TXNDC8: variants seen among roughly 807,000 people sequenced by gnomAD.
The protein encoded by TXNDC8 is thioredoxin domain containing 8.
TXNDC8 carries 15 observed loss-of-function variants against 12.9 expected under a neutral mutation model. That is an observed-to-expected ratio of 1.16 (90% CI 0.78 to 1.79). The LOEUF (loss-of-function observed/expected upper bound fraction) is 1.79, where lower values mean the gene tolerates loss of function less well. Among genes scored for constraint, TXNDC8 ranks in the 40% most tolerant of loss-of-function variants. TXNDC8 has a pLI of 0.00. For synonymous variants in TXNDC8, 40 were observed against 35.4 expected (o/e 1.13, Z -0.46); for missense variants, 128 against 113.2 (o/e 1.13, Z -0.59).
chr9:110,301,856 A>G (rs533905987), downstream of TXNDC8, among the ~76,000 whole-genome samples: 1 of 152,276 alleles, frequency 6.6e-6, no homozygotes, highest in Non-Finnish European at 1.5e-5. Flanking sequence ...GTTTTATTTT[A>G]AGTGCCTATT....
Position 110,334,213 on chromosome 9 carries a change from C to T in TXNDC8, c.129+3G>A. The T allele has an allele frequency of 6.2e-7, 1 of 1,607,904 alleles. No homozygotes were observed. The highest frequency in any genetic ancestry group is 1.1e-5 in the South Asian group (1 of 90,806). On this transcript the variant is annotated splice_donor_region_variant and intron_variant, in intron 2 of 4. Transcript: ENST00000423740. ...CTATGAGATATATACTGGTTGTACT[C>T]ACATGGAAAACAGGAAACATCCTTT...
chr9:110,304,486 C>T lies in TXNDC8; in HGVS notation c.242G>A (p.Ser81Asn). 6.2e-7 allele frequency: 1 copy of T among 1,610,240 alleles called. No individual in the cohort carries two copies. The highest frequency in any genetic ancestry group is 8.5e-7 in the Non-Finnish European group (1 of 1,177,618). ...ACTTACCAGGTTGCTCATGAATCCA[C>T]TTCTATAACAGCAAATTATTCTTTT... The change falls in exon 4 of 5, where the codon AGT becomes AAT. Residue 81 changes from serine (S) to asparagine (N), a missense_variant. Transcript: ENST00000423740.
intron 1 of TXNDC8, 106 bp from the exon 2 acceptor site, chr9:110,334,426 T>A: frequency 6.2e-6 from 6 of 964,132 alleles, no homozygotes; most frequent in Non-Finnish European, 9.4e-6. Flanking sequence ...TTGGTTTTTT[T>A]AAAGCCAGGT....
chr9:110,336,783 G>A (rs968452116), intron 1 of TXNDC8, among the ~76,000 whole-genome samples: 3 of 151,976 alleles, frequency 2.0e-5, no homozygotes, highest in African/African-American at 7.2e-5. Flanking sequence ...AATGAAGTAG[G>A]AAGGAAGAAT....
chr9:110,322,262 C>G (rs902491223), intron 3 of TXNDC8, among the ~76,000 whole-genome samples: 5 of 151,690 alleles, frequency 3.3e-5, no homozygotes, highest in African/African-American at 1.2e-4. Flanking sequence ...AATAAAACTT[C>G]TTGAGATATG....
intron 2 of TXNDC8, among the ~76,000 whole-genome samples, chr9:110,329,793 G>A (rs578233252): frequency 1.4e-4 from 22 of 152,172 alleles, no homozygotes; most frequent in Admixed American, 1.3e-4. Context: ...CTGACCATTA[G>A]CCTAATTTAT....
At chr9:110,324,862 A>G (rs1348177949) in intron 3 of TXNDC8, among the ~76,000 whole-genome samples, 1 of 152,232 alleles carries the variant, frequency 6.6e-6, no homozygotes, top group East Asian at 1.9e-4. Context: ...CTGTAATCCC[A>G]TTACTTTGGG....
intron 2 of TXNDC8, among the ~76,000 whole-genome samples, chr9:110,326,648 TTGAGACGTGGAACGCATCC>T (rs141760040): frequency 0.018 from 2,683 of 152,284 alleles, 38 homozygotes; most frequent in Non-Finnish European, 0.027. Context: ...ATAACTCTAC[TTGAGACGTGGAACGCATCC>T]TGATCTAGCA....
At chr9:110,334,913 C>T (rs934584323) in intron 1 of TXNDC8, among the ~76,000 whole-genome samples, 3 of 150,996 alleles carry the variant, frequency 2.0e-5, no homozygotes, top group Non-Finnish European at 4.4e-5. Context: ...ATCATTATTA[C>T]AGCTACAGTT....
chr9:110,324,877 C>T (rs905264023), intron 3 of TXNDC8, among the ~76,000 whole-genome samples: 4 of 152,132 alleles, frequency 2.6e-5, no homozygotes, highest in African/African-American at 9.7e-5. Flanking sequence ...TTTGGGAGGC[C>T]AAGGTGGATG....
chr9:110,321,148 C>G (rs1443879425), intron 3 of TXNDC8, among the ~76,000 whole-genome samples: 1 of 152,040 alleles, frequency 6.6e-6, no homozygotes. Context: ...TTGAAATGAG[C>G]TAGAATCAAG....
intron 1 of TXNDC8, among the ~76,000 whole-genome samples, chr9:110,335,200 G>T (rs971691845): frequency 6.6e-6 from 1 of 152,160 alleles, no homozygotes; most frequent in Non-Finnish European, 1.5e-5. Flanking sequence ...TACTCATAGA[G>T]TAAGTGCTCA....
In TXNDC8 at chr9:110,309,972, T is replaced by C. The variant is rs148978953; in HGVS notation, c.196-5440A>G. Among the ~76,000 whole-genome samples, 1,284 of 143,080 alleles carry C rather than the reference T, an allele frequency of 9.0e-3. 23 individuals are homozygous for C. Among genetic ancestry groups the C allele is most frequent in the African/African-American group, 0.03 (1,201 of 40,142 alleles). The allele number at this position is 143,080 out of a possible 152,430, so 93.9% of individuals were successfully genotyped here. The stretch of plus-strand genomic sequence containing the variant: ...GTTCCTTATTAATAATCTCAGTTCC[T>C]TTTATTAAGAAAAAGAAAGTGGGAA... On this transcript the variant is annotated intron_variant, in intron 3 of 4. Coordinates refer to ENST00000423740, the MANE Select transcript of TXNDC8 (RefSeq NM_001286946.2).
intron 3 of TXNDC8, among the ~76,000 whole-genome samples, chr9:110,317,260 T>C (rs1295159324): frequency 6.6e-6 from 1 of 152,180 alleles, no homozygotes; most frequent in Admixed American, 6.5e-5. Flanking sequence ...TTGGGGGCCA[T>C]TCCCTTCAAT....
intron 2 of TXNDC8, among the ~76,000 whole-genome samples, chr9:110,326,901 T>C (rs1218249655): frequency 6.6e-6 from 1 of 150,464 alleles, no homozygotes; most frequent in Non-Finnish European, 1.5e-5. Context: ...AATATACCAA[T>C]CATTTTGTTG....
At chr9:110,335,210 A>G (rs1297044803) in intron 1 of TXNDC8, among the ~76,000 whole-genome samples, 1 of 152,146 alleles carries the variant, frequency 6.6e-6, no homozygotes, top group African/African-American at 2.4e-5. Context: ...GTAAGTGCTC[A>G]TAGAGTGTTT....
chr9:110,311,258 AC>A lies in TXNDC8; in HGVS notation c.196-6727del, dbSNP rs1179062946. 9.2e-5 allele frequency among the ~76,000 whole-genome samples: 14 copies of A among 152,134 alleles called. No homozygotes were observed. In the South Asian group the frequency reaches 2.9e-3, roughly 32 times the overall value. ...TGATTAAAATAATTAGGTAAATACA[AC>A]GGGGAAAATACTTGTAGACAAACTC... On this transcript the variant is annotated intron_variant, in intron 3 of 4. Coordinates refer to ENST00000423740, the MANE Select transcript of TXNDC8 (RefSeq NM_001286946.2).
intron 3 of TXNDC8, among the ~76,000 whole-genome samples, chr9:110,315,821 CT>C (rs1165785348): frequency 1.4e-3 from 38 of 26,368 alleles, no homozygotes; most frequent in Admixed American, 6.9e-3. Flanking sequence ...CCACAAGACA[CT>C]TTTTTTTTTG....
chr9:110,321,412 T>G (rs924279694), intron 3 of TXNDC8, among the ~76,000 whole-genome samples: 1 of 152,238 alleles, frequency 6.6e-6, no homozygotes, highest in Non-Finnish European at 1.5e-5. Context: ...GAAATTATCA[T>G]AAAGCTTTTT....
Sources: gnomAD v4.1 joint callset for allele counts (sites outside exome capture counted in the v4.1 genomes callset) on GRCh38, gnomAD v4.1.1 for gene constraint, MANE v1.5 for transcripts, NCBI Gene and HGNC (gene_info 2026-07-23, HGNC 2026-07-21) for gene names.